The following STAM variants were observed in gnomAD, a reference collection of about 807,000 sequenced individuals.
The protein encoded by STAM is signal transducing adaptor molecule, also known as signal transducing adapter molecule 1.
STAM carries 16 observed loss-of-function variants against 63.4 expected under a neutral mutation model. That is an observed-to-expected ratio of 0.25 (90% confidence interval 0.17 to 0.38). The LOEUF (loss-of-function observed/expected upper bound fraction) is 0.38, where lower values mean the gene tolerates loss of function less well. Ranked by LOEUF, STAM falls within the 10% of genes least tolerant of loss-of-function variation. The pLI is 1.00. For missense variants in STAM, 636 were observed against 657.1 expected, an observed-to-expected ratio of 0.97 and a Z score of 0.35; for synonymous variants, 238 against 223.9, an observed-to-expected ratio of 1.06 and a Z score of -0.56.
intron 13 of STAM, among the ~76,000 whole-genome samples, chr10:17,713,440 T>C (rs1836653860): frequency 6.6e-6 from 1 of 152,126 alleles, no homozygotes; most frequent in African/African-American, 2.4e-5. Context: ...TGCATTCTCT[T>C]TGCTTGCCAG....
At chr10:17,707,477 A>G (rs1007593862) in intron 12 of STAM, among the ~76,000 whole-genome samples, 1 of 151,982 alleles carries the variant, frequency 6.6e-6, no homozygotes, top group African/African-American at 2.4e-5. Flanking sequence ...TTTTCCATGT[A>G]AAGTGGGCAC....
rs1554827292 is a variant in STAM at position 17,695,086 on chromosome 10, A to G, written c.573A>G (p.Ser191=). The change falls in exon 7 of 14, where the codon TCA becomes TCG. Residue 191 remains serine, a synonymous_variant. Transcript: ENST00000377524. ...ELSLKEQRQQ[S]TTLSTLYPST... Reference sequence around the variant, plus strand: ...CTCTCAAGGAACAAAGGCAGCAGTCAACCACCCTTTCCACTTTGTATCCAA... The same window carrying G: ...CTCTCAAGGAACAAAGGCAGCAGTCGACCACCCTTTCCACTTTGTATCCAA... 6.2e-7 allele frequency: 1 copy of G among 1,614,082 alleles called. No individual in the cohort carries two copies. The highest frequency in any genetic ancestry group is 8.5e-7 in the Non-Finnish European group (1 of 1,179,952).
At chr10:17,673,739 A>G (rs1291876814) in intron 2 of STAM, among the ~76,000 whole-genome samples, 1 of 152,270 alleles carries the variant, frequency 6.6e-6, no homozygotes, top group East Asian at 1.9e-4. Context: ...GGTGAAGAGC[A>G]CAGACTCTGG....
chr10:17,675,739 GTAAT>G (rs1286744786), intron 2 of STAM, among the ~76,000 whole-genome samples: 10 of 152,070 alleles, frequency 6.6e-5, no homozygotes, highest in African/African-American at 2.4e-4. Flanking sequence ...CACCTAGAAG[GTAAT>G]TAATGAACGT....
chr10:17,704,510 A>G lies in STAM; in HGVS notation c.992A>G (p.His331Arg), dbSNP rs1554828961. 1.9e-5 allele frequency: 30 copies of G among 1,613,922 alleles called. No homozygotes were observed. Among genetic ancestry groups the G allele is most frequent in the African/African-American group, 2.7e-5 (2 of 74,936 alleles). The part of the protein sequence containing the change: ...DDQPDLPELL[H>R]LEAMCHQMGP... ...CAGCCAGACCTACCAGAGCTGCTTC[A>G]TCTTGAAGGTAAAACTTTTCTATTT... Residue 331 changes from histidine to arginine, a missense_variant, in exon 10 of 14, where the codon CAT (histidine) becomes CGT (arginine). By Grantham distance (29) the His-to-Arg change is conservative (BLOSUM62 0). Around this residue, in one of 3 missense-constraint regions of STAM, gnomAD observed 532 missense variants for 536.9 expected, o/e 0.99. Transcript: ENST00000377524.
In STAM at chr10:17,679,749, C is replaced by T. The variant is rs188935975; in HGVS notation, c.126-4926C>T. On this transcript the variant is annotated intron_variant, in intron 2 of 13. Coordinates refer to ENST00000377524, the MANE Select transcript of STAM (RefSeq NM_003473.4). ...TCAGATTTTCTGTTTCTTCTTAAGT[C>T]AGTTTCTTTTCTTTTTTCTTTTTTT... is the stretch of plus-strand genomic sequence containing the variant. Among the ~76,000 whole-genome samples, 106 of 151,546 alleles carry T rather than the reference C, an allele frequency of 7.0e-4. 2 individuals are homozygous for T. The highest frequency in any genetic ancestry group is 2.5e-4 in the Non-Finnish European group (17 of 67,758).
In STAM at chr10:17,701,727, C is replaced by T. The variant is rs117774687; in HGVS notation, c.912+1448C>T. Among the ~76,000 whole-genome samples, 17 of 152,264 alleles carry T rather than the reference C, an allele frequency of 1.1e-4. No individual in the cohort carries two copies. The East Asian group carries it at 1.4e-3, about 12-fold the overall frequency. On this transcript the variant is annotated intron_variant, in intron 9 of 13. Coordinates refer to ENST00000377524, the MANE Select transcript of STAM (RefSeq NM_003473.4). ...CTCCTACCATTTTCGTTTTTACCCC[C>T]CTCCTCTCCCTTTTCAATTCTTCTC...
Position 17,716,393 on chromosome 10 carries a change from T to G in STAM, c.*1613T>G, listed in dbSNP as rs1308013227. Among the ~76,000 whole-genome samples, 1 of 150,954 alleles carries G rather than the reference T, an allele frequency of 6.6e-6. No homozygotes were observed. Among genetic ancestry groups the G allele is most frequent in the Non-Finnish European group, 1.5e-5 (1 of 67,714 alleles). On this transcript the variant is annotated 3_prime_UTR_variant, in exon 14 of 14. Transcript: ENST00000377524. ...CTGTGAAATTAGTCACCTGTAAGAT[T>G]ACTTAAGGGTAACTTAAGTGTTTCG...
At chr10:17,661,827 C>T (rs1232895810) in intron 2 of STAM, among the ~76,000 whole-genome samples, 2 of 151,944 alleles carry the variant, frequency 1.3e-5, no homozygotes, top group Non-Finnish European at 2.9e-5. Context: ...GGCTGTATAC[C>T]CTCCACTCTA....
Position 17,693,895 on chromosome 10 carries a change from AT to A in STAM, c.535+586del, listed in dbSNP as rs1351064510. Reference sequence around the variant, plus strand: ...TCAGTTTTGTTAAATGGTTGTTATGATTTCCTTTTCCATTGGCAGTGTATGA... The same window carrying A: ...TCAGTTTTGTTAAATGGTTGTTATGATTCCTTTTCCATTGGCAGTGTATGA... On this transcript the variant is annotated intron_variant, in intron 6 of 13. Transcript: ENST00000377524. Among the ~76,000 whole-genome samples, 9 of 152,260 alleles carry A rather than the reference AT, an allele frequency of 5.9e-5. No individual in the cohort carries two copies. In the East Asian group the frequency reaches 1.7e-3, roughly 29 times the overall value.
intron 2 of STAM, among the ~76,000 whole-genome samples, chr10:17,663,784 C>T (rs1564535421): frequency 6.6e-6 from 1 of 151,990 alleles, no homozygotes; most frequent in Non-Finnish European, 1.5e-5. Context: ...GTCAGGCCTT[C>T]AATAATTGCT....
intron 9 of STAM, among the ~76,000 whole-genome samples, chr10:17,703,331 GTTTT>G (rs35796286): frequency 1.3e-4 from 18 of 140,184 alleles, no homozygotes; most frequent in Non-Finnish European, 2.5e-4. Context: ...CTTGGGAAGA[GTTTT>G]TTTTTTTTTT....
chr10:17,705,982 A>G (rs1298787940), intron 12 of STAM, among the ~76,000 whole-genome samples: 1 of 151,804 alleles, frequency 6.6e-6, no homozygotes, highest in Non-Finnish European at 1.5e-5. Context: ...GTGGGAGGAT[A>G]GCTTGAGCCC....
At chr10:17,683,331 G>A (rs1313921162) in intron 2 of STAM, among the ~76,000 whole-genome samples, 8 of 151,828 alleles carry the variant, frequency 5.3e-5, no homozygotes, top group African/African-American at 1.9e-4. Context: ...GCTAATTTTT[G>A]TATTATTTTT....
At chr10:17,705,998 G>A (rs1376006809) in intron 12 of STAM, among the ~76,000 whole-genome samples, 1 of 151,952 alleles carries the variant, frequency 6.6e-6, no homozygotes, top group East Asian at 1.9e-4. Flanking sequence ...AGCCCAGAAG[G>A]TCGAGGCTGC....
chr10:17,670,489 AT>A (rs2131602323), intron 2 of STAM, among the ~76,000 whole-genome samples: 1 of 152,304 alleles, frequency 6.6e-6, no homozygotes, highest in South Asian at 2.1e-4. Context: ...GAAGGTTAAA[AT>A]TATGAATCAA....
rs200821922 is a variant in STAM, at chr10:17,705,598, G to C, written c.1066G>C (p.Glu356Gln). 8.3e-5 allele frequency: 134 copies of C among 1,610,080 alleles called. No individual in the cohort carries two copies. Among genetic ancestry groups the C allele is most frequent in the Non-Finnish European group, 1.5e-5 (18 of 1,178,962 alleles). The change falls in exon 12 of 14, where the codon GAA (glutamate) becomes CAA (glutamine). Residue 356 changes from glutamate (E) to glutamine (Q), a missense_variant. This residue lies in a region of STAM where 532 missense variants were observed against 536.9 expected (regional missense o/e 0.99). Coordinates refer to ENST00000377524, the MANE Select transcript of STAM (RefSeq NM_003473.4). ...TGTGTCATGTTTCAGAAAACATTCA[G>C]AACTCTCAGAACTTAATGTGAAAGT... ...KLEDIDRKHS[E>Q]LSELNVKVME...
intron 2 of STAM, among the ~76,000 whole-genome samples, chr10:17,674,806 C>T (rs1408035889): frequency 6.6e-6 from 1 of 152,064 alleles, no homozygotes; most frequent in African/African-American, 2.4e-5. Flanking sequence ...TTGCCTGAGG[C>T]CTGTTAGTTC....
At chr10:17,688,356 G>A (rs1835381101) in intron 5 of STAM, among the ~76,000 whole-genome samples, 183 bp downstream of exon 5, 1 of 152,126 alleles carries the variant, frequency 6.6e-6, no homozygotes, top group Non-Finnish European at 1.5e-5. Context: ...GCATTCAGAG[G>A]TGCCAGAAAA....
Sources: allele counts gnomAD v4.1 joint callset (sites outside exome capture counted in the v4.1 genomes callset), GRCh38; gene constraint gnomAD v4.1.1; regional missense constraint gnomAD v4.1.1; transcripts MANE v1.5; gene names NCBI Gene and HGNC (gene_info 2026-07-23, HGNC 2026-07-21).